NDST4: variants seen among roughly 807,000 people sequenced by gnomAD.
The protein encoded by NDST4 is N-deacetylase and N-sulfotransferase 4.
NDST4 carries 63 observed loss-of-function variants against 100.8 expected under a neutral mutation model. That is an observed-to-expected ratio of 0.62 (90% CI 0.51 to 0.77). The LOEUF (loss-of-function observed/expected upper bound fraction) is 0.77. Ranked by LOEUF, NDST4 falls within the 30% of genes least tolerant of loss-of-function variation. The probability of loss-of-function intolerance (pLI) is 0.00; values close to 1 mark genes in which losing one functional copy is unlikely to be tolerated. For missense variants in NDST4, 943 were observed against 1,018.4 expected, an observed-to-expected ratio of 0.93 and a Z score of 1.01; for synonymous variants, 377 against 361.8, an observed-to-expected ratio of 1.04 and a Z score of -0.48.
At chr4:114,954,741 T>C (rs889883611) in intron 4 of NDST4, among the ~76,000 whole-genome samples, 1 of 152,204 alleles carries the variant, frequency 6.6e-6, no homozygotes, top group Non-Finnish European at 1.5e-5. Context: ...GCATGTTGAA[T>C]TGTAATCTCC....
intron 4 of NDST4, among the ~76,000 whole-genome samples, chr4:114,945,623 T>C (rs1268074304): frequency 6.6e-6 from 1 of 152,242 alleles, no homozygotes; most frequent in Non-Finnish European, 1.5e-5. Flanking sequence ...AAAGAGATAA[T>C]GCATTAAGCA....
chr4:114,848,384 A>C, intron 8 of NDST4, 46 bp from the exon 9 acceptor site: 1 of 1,381,968 alleles, frequency 7.2e-7, no homozygotes, highest in South Asian at 1.4e-5. Flanking sequence ...AATAAGAGAC[A>C]AAATATTATT....
chr4:115,015,256 A>G (rs966595333), intron 2 of NDST4, among the ~76,000 whole-genome samples: 1 of 152,110 alleles, frequency 6.6e-6, no homozygotes. Flanking sequence ...ATCATCAAAC[A>G]GAGAGAAAGA....
At chr4:114,969,405 T>C (rs1726458508) in intron 4 of NDST4, among the ~76,000 whole-genome samples, 1 of 150,934 alleles carries the variant, frequency 6.6e-6, no homozygotes, top group Non-Finnish European at 1.5e-5. Flanking sequence ...AGTTTCAGTG[T>C]ACAGATTATT....
At chr4:115,033,802 T>TAA (rs70964338) in intron 2 of NDST4, among the ~76,000 whole-genome samples, 1 of 151,896 alleles carries the variant, frequency 6.6e-6, no homozygotes, top group Non-Finnish European at 1.5e-5. Context: ...TCTTCTGTAA[T>TAA]AAAAAACATA....
At chr4:114,921,647 C>G (rs1215065659) in intron 6 of NDST4, among the ~76,000 whole-genome samples, 1 of 152,018 alleles carries the variant, frequency 6.6e-6, no homozygotes, top group African/African-American at 2.4e-5. Flanking sequence ...TTATTTCTCC[C>G]GTTTTATAGA....
chr4:114,866,063 T>C (rs911815982), intron 7 of NDST4, among the ~76,000 whole-genome samples: 4 of 152,226 alleles, frequency 2.6e-5, no homozygotes, highest in Non-Finnish European at 5.9e-5. Flanking sequence ...ATAAAAACTA[T>C]ACTGACTTAA....
At chr4:115,069,094 G>C (rs1283696094) in intron 2 of NDST4, among the ~76,000 whole-genome samples, 1 of 152,082 alleles carries the variant, frequency 6.6e-6, no homozygotes, top group Admixed American at 6.6e-5. Context: ...ACCATCTGCT[G>C]GAGTCATTAG....
intron 6 of NDST4, among the ~76,000 whole-genome samples, chr4:114,929,227 G>C (rs955624765): frequency 6.6e-6 from 1 of 151,356 alleles, no homozygotes; most frequent in Non-Finnish European, 1.5e-5. Context: ...GATAACTTCC[G>C]CCTATGCAAG....
At chr4:114,984,489 A>C (rs1035428415) in intron 2 of NDST4, among the ~76,000 whole-genome samples, 1 of 152,146 alleles carries the variant, frequency 6.6e-6, no homozygotes, top group Non-Finnish European at 1.5e-5. Context: ...TTATATTTTC[A>C]AAATTTCAAA....
chr4:115,033,161 T>A lies in NDST4; in HGVS notation c.978+42898A>T, dbSNP rs13115201. Reference sequence around the variant, plus strand: ...TATATATATATATATATATATATTTTTTTTTTTTTTGAAACAGGGTCTCAC... The same window carrying A: ...TATATATATATATATATATATATTTATTTTTTTTTTGAAACAGGGTCTCAC... On this transcript the variant is annotated intron_variant, in intron 2 of 13. Transcript: ENST00000264363. 2.3e-3 allele frequency among the ~76,000 whole-genome samples: 320 copies of A among 137,072 alleles called. 2 individuals carry two copies. The highest frequency in any genetic ancestry group is 7.7e-3 in the African/African-American group (251 of 32,750). 89.9% of individuals were successfully genotyped at this position (137,072 alleles called of 152,430 possible). A position where few individuals can be genotyped will look rare whatever the true frequency, so the allele number is the denominator to read the frequency against.
intron 13 of NDST4, among the ~76,000 whole-genome samples, chr4:114,828,875 G>A: frequency 6.6e-6 from 1 of 152,100 alleles, no homozygotes; most frequent in Non-Finnish European, 1.5e-5. Flanking sequence ...TGTATACTGT[G>A]GAAATGGATT....
intron 4 of NDST4, among the ~76,000 whole-genome samples, chr4:114,946,814 T>C (rs1725876274): frequency 6.6e-6 from 1 of 152,174 alleles, no homozygotes; most frequent in African/African-American, 2.4e-5. Flanking sequence ...ATCTTTTAGG[T>C]TTTTACATAA....
chr4:115,066,109 G>C (rs368532101), intron 2 of NDST4, among the ~76,000 whole-genome samples: 2 of 152,138 alleles, frequency 1.3e-5, no homozygotes, highest in East Asian at 3.8e-4. Context: ...ATTCTGCCTT[G>C]TAATGCAGAT....
intron 4 of NDST4, among the ~76,000 whole-genome samples, chr4:114,969,661 G>A (rs1726464909): frequency 6.6e-6 from 1 of 152,196 alleles, no homozygotes; most frequent in East Asian, 1.9e-4. Flanking sequence ...CTTTTTTATG[G>A]CTGCATAGTG....
intron 2 of NDST4, among the ~76,000 whole-genome samples, chr4:115,070,840 C>T (rs1729060282): frequency 2.0e-5 from 3 of 152,120 alleles, no homozygotes; most frequent in African/African-American, 2.4e-5. Context: ...CACGGTGGCT[C>T]ATGCCTGTAA....
chr4:114,965,163 T>C (rs992030648), intron 4 of NDST4, among the ~76,000 whole-genome samples: 1 of 152,096 alleles, frequency 6.6e-6, no homozygotes, highest in Non-Finnish European at 1.5e-5. Context: ...CCCTATAAGT[T>C]ATTATCAGTT....
rs1726755063 is a variant in NDST4 at position 114,980,925 on chromosome 4, AG to A, written c.979-3652del. On this transcript the variant is annotated intron_variant, in intron 2 of 13. Transcript: ENST00000264363. ...AAATTTCTTAGTATTTCAGAAAGGA[AG>A]TCTAGGCTGGGTGTGGTGGCTCACG... 2.6e-5 allele frequency among the ~76,000 whole-genome samples: 4 copies of A among 152,290 alleles called. No individual in the cohort carries two copies. In the East Asian group the frequency reaches 7.7e-4, roughly 29 times the overall value.
chr4:115,049,310 G>A (rs1728532567), intron 2 of NDST4, among the ~76,000 whole-genome samples: 3 of 152,006 alleles, frequency 2.0e-5, no homozygotes, highest in African/African-American at 7.2e-5. Context: ...CCAGTAAGAT[G>A]TCAGGATCTC....
Sources: allele counts gnomAD v4.1 joint callset (sites outside exome capture counted in the v4.1 genomes callset), GRCh38; gene constraint gnomAD v4.1.1; transcripts MANE v1.5; gene names NCBI Gene and HGNC (gene_info 2026-07-23, HGNC 2026-07-21).